Variants in EXPH5 observed in about 807,000 individuals in gnomAD.
The protein encoded by EXPH5 is exophilin-5.
A neutral mutation model predicts 41.1 loss-of-function variants in EXPH5; 42 were observed. The ratio of observed to expected loss-of-function variants is 1.02; its 90% CI spans 0.80 to 1.32. The LOEUF is 1.32. EXPH5 is among the 40% of genes most tolerant of loss of function. The probability of loss-of-function intolerance (pLI) is 0.00; values close to 1 mark genes in which losing one functional copy is unlikely to be tolerated. For synonymous variants in EXPH5, 798 were observed against 833.5 expected, an observed-to-expected ratio of 0.96 and a Z score of 0.73; for missense variants, 2,298 against 2,314.5, an observed-to-expected ratio of 0.99 and a Z score of 0.15.
At chr11:108,520,879 T>G (rs2093760898) in intron 4 of EXPH5, among the ~76,000 whole-genome samples, 1 of 152,230 alleles carries the variant, frequency 6.6e-6, no homozygotes, top group Non-Finnish European at 1.5e-5. Flanking sequence ...ATTATTATTA[T>G]CTTTGTTTAC....
At chr11:108,547,358 T>C (rs1213801307) in intron 1 of EXPH5, among the ~76,000 whole-genome samples, 2 of 152,038 alleles carry the variant, frequency 1.3e-5, no homozygotes, top group Non-Finnish European at 2.9e-5. Flanking sequence ...TATGCCCAGC[T>C]AATATTTTTA....
chr11:108,532,020 C>T (rs888444941), intron 3 of EXPH5, among the ~76,000 whole-genome samples: 1 of 152,030 alleles, frequency 6.6e-6, no homozygotes, highest in African/African-American at 2.4e-5. Flanking sequence ...ATACTTTATT[C>T]AGAGTGATCA....
chr11:108,535,201 G>T (rs2136010993), intron 3 of EXPH5, among the ~76,000 whole-genome samples: 1 of 152,250 alleles, frequency 6.6e-6, no homozygotes, highest in South Asian at 2.1e-4. Flanking sequence ...AATAAGTAAA[G>T]CTCCCTGTGC....
At chr11:108,515,299 T>C (rs1286173146) in intron 5 of EXPH5, among the ~76,000 whole-genome samples, 1 of 152,188 alleles carries the variant, frequency 6.6e-6, no homozygotes, top group Non-Finnish European at 1.5e-5. Context: ...TCTGTTTCTT[T>C]CATGTCACTA....
At chr11:108,550,743 C>T (rs915627527) in intron 1 of EXPH5, among the ~76,000 whole-genome samples, 2 of 152,034 alleles carry the variant, frequency 1.3e-5, no homozygotes. Context: ...TATGCCACTG[C>T]ACTCCAGCCT....
chr11:108,593,294 C>G (rs2094132657), intron 1 of EXPH5, 124 bp downstream of exon 1: 1 of 812,538 alleles, frequency 1.2e-6, no homozygotes, highest in Non-Finnish European at 2.0e-6. Context: ...GACCCGCAGC[C>G]TCCGCAGCAG....
intron 1 of EXPH5, among the ~76,000 whole-genome samples, chr11:108,568,454 G>A (rs139090435): frequency 1.5e-3 from 223 of 152,128 alleles, no homozygotes; most frequent in Admixed American, 2.6e-3. Context: ...CTGGAGCCGA[G>A]GAACAAGTTC....
At chr11:108,589,698 C>A (rs540975423) in intron 1 of EXPH5, among the ~76,000 whole-genome samples, 1 of 152,228 alleles carries the variant, frequency 6.6e-6, no homozygotes, top group East Asian at 1.9e-4. Context: ...TTTCAGTTTT[C>A]CTTCTATAAA....
chr11:108,525,078 C>A (rs2093789430), intron 4 of EXPH5, among the ~76,000 whole-genome samples: 1 of 152,154 alleles, frequency 6.6e-6, no homozygotes, highest in South Asian at 2.1e-4. Flanking sequence ...GAGGTTTTCC[C>A]TTTAGCTTGG....
intron 1 of EXPH5, among the ~76,000 whole-genome samples, chr11:108,578,188 A>G (rs567061054): frequency 6.6e-6 from 1 of 152,326 alleles, no homozygotes; most frequent in South Asian, 2.1e-4. Context: ...TTAAGTCTTT[A>G]ATCCACTTTG....
At chr11:108,527,177 G>T (rs1038113238) in intron 4 of EXPH5, among the ~76,000 whole-genome samples, 2 of 152,048 alleles carry the variant, frequency 1.3e-5, no homozygotes, top group Non-Finnish European at 2.9e-5. Context: ...AAAATTAGCT[G>T]GGTGTGGTGG....
chr11:108,562,768 G>C (rs566032903), intron 1 of EXPH5, among the ~76,000 whole-genome samples: 17 of 152,358 alleles, frequency 1.1e-4, no homozygotes, highest in Admixed American at 3.3e-4. Flanking sequence ...TTCAAGGCCA[G>C]CCTGGGCAAC....
Position 108,509,445 on chromosome 11 carries a change from G to T in EXPH5, c.*92C>A. 1 of 1,263,112 alleles carries T rather than the reference G, an allele frequency of 7.9e-7. No homozygotes were observed. Among genetic ancestry groups the T allele is most frequent in the Non-Finnish European group, 1.1e-6 (1 of 922,632 alleles). The allele number at this position is 1,263,112 out of a possible 1,614,324, so 78.2% of individuals were successfully genotyped here. A position where few individuals can be genotyped will look rare whatever the true frequency, so the allele number is the denominator to read the frequency against. ...TTCAGAGCAGACACTGCCCAGACTA[G>T]ATCTTTTATCCTTCCATGCACATGC... On this transcript the variant is annotated 3_prime_UTR_variant, in exon 6 of 6. Transcript: ENST00000265843.
intron 1 of EXPH5, among the ~76,000 whole-genome samples, chr11:108,565,685 TA>T: frequency 6.6e-6 from 1 of 152,178 alleles, no homozygotes; most frequent in Non-Finnish European, 1.5e-5. Flanking sequence ...TGAGGGGTTC[TA>T]ATTCCTTTAT....
intron 4 of EXPH5, among the ~76,000 whole-genome samples, chr11:108,526,023 T>C (rs1446408819): frequency 6.6e-6 from 1 of 151,660 alleles, no homozygotes; most frequent in Non-Finnish European, 1.5e-5. Context: ...CAAGTGATCC[T>C]TCCACCTCAG....
chr11:108,566,692 T>C (rs1289700197), intron 1 of EXPH5, among the ~76,000 whole-genome samples: 1 of 151,648 alleles, frequency 6.6e-6, no homozygotes. Context: ...ATCTCTAAAA[T>C]AAATAAATAA....
At chr11:108,521,222 C>T (rs773542747) in intron 4 of EXPH5, among the ~76,000 whole-genome samples, 5 of 152,202 alleles carry the variant, frequency 3.3e-5, no homozygotes, top group Non-Finnish European at 5.9e-5. Context: ...GACCACATGT[C>T]GATCCTTTCC....
chr11:108,588,290 T>G (rs1377040436), intron 1 of EXPH5, among the ~76,000 whole-genome samples: 1 of 152,200 alleles, frequency 6.6e-6, no homozygotes, highest in African/African-American at 2.4e-5. Flanking sequence ...TCTCCAACTT[T>G]TAGCTGAGCA....
intron 3 of EXPH5, among the ~76,000 whole-genome samples, chr11:108,536,310 T>C (rs1184246191): frequency 2.0e-5 from 3 of 151,334 alleles, no homozygotes; most frequent in African/African-American, 7.3e-5. Context: ...AGGGTTTCAC[T>C]CTGTCACCCA....
Sources: gnomAD v4.1 joint callset for allele counts (sites outside exome capture counted in the v4.1 genomes callset) on GRCh38, gnomAD v4.1.1 for gene constraint, MANE v1.5 for transcripts, NCBI Gene and HGNC (gene_info 2026-07-23, HGNC 2026-07-21) for gene names.